The following SYNJ2 variants were observed in gnomAD, a reference collection of about 807,000 sequenced individuals.
SYNJ2 encodes polyphosphatidylinositol phosphatase SYNJ2.
In SYNJ2, 116 loss-of-function variants were observed where a neutral mutation model predicts 141.3. The ratio of observed to expected loss-of-function variants is 0.82; its 90% confidence interval spans 0.71 to 0.96. The LOEUF is 0.96. Among genes scored for constraint, SYNJ2 ranks in the 40% least tolerant of loss-of-function variants. The probability of loss-of-function intolerance (pLI) is 0.00; values close to 1 mark genes in which losing one functional copy is unlikely to be tolerated. For missense variants in SYNJ2, 1,873 were observed against 1,934.8 expected (o/e 0.97, Z 0.60); for synonymous variants, 745 against 777.7 (o/e 0.96, Z 0.70).
rs573931296 is a variant in SYNJ2, at chr6:158,086,701, C to T, written c.3209-154C>T. Among the ~76,000 whole-genome samples the T allele has an allele frequency of 4.0e-5, 6 of 150,784 alleles. No individual in the cohort carries two copies. In the Middle Eastern group the frequency reaches 0.01, roughly 256 times the overall value. ...GGGTGCCCTCCCCGCCCCCGCCCCT[C>T]GCCGGCAGACAGAGGTGCCCGTTTC... On this transcript the variant is annotated intron_variant, in intron 22 of 26. Transcript: ENST00000355585.
At chr6:158,044,479 T>A (rs1008369938) in intron 5 of SYNJ2, among the ~76,000 whole-genome samples, 11 of 152,254 alleles carry the variant, frequency 7.2e-5, no homozygotes, top group Middle Eastern at 3.4e-3. Context: ...TAACATTCAG[T>A]CTTTCCACTA....
chr6:157,991,463 G>A (rs919311201), intron 1 of SYNJ2, among the ~76,000 whole-genome samples: 12 of 152,162 alleles, frequency 7.9e-5, no homozygotes, highest in Non-Finnish European at 1.6e-4. Flanking sequence ...ATCAGCTTGG[G>A]AGGGAGGAGA....
In SYNJ2 at chr6:157,993,690, T is replaced by A. The variant is rs937432614; in HGVS notation, c.127+11602T>A. Among the ~76,000 whole-genome samples, 20 of 138,166 alleles carry A rather than the reference T, an allele frequency of 1.4e-4. 1 individual carries two copies. Among genetic ancestry groups the A allele is most frequent in the African/African-American group, 5.1e-4 (19 of 37,580 alleles). The allele number at this position is 138,166 out of a possible 152,430, so 90.6% of individuals were successfully genotyped here. On this transcript the variant is annotated intron_variant, in intron 1 of 26. Transcript: ENST00000355585. ...GAGGGCCATGGCATTCTTAAAAACA[T>A]AACTTTCATTCTTGCATAGCTTTTT... is the stretch of plus-strand genomic sequence containing the variant.
At chr6:158,037,876 T>C (rs1658234454) in intron 4 of SYNJ2, among the ~76,000 whole-genome samples, 1 of 152,264 alleles carries the variant, frequency 6.6e-6, no homozygotes, top group African/African-American at 2.4e-5. Context: ...CCTGTGGCCC[T>C]GTGAGAACTC....
In SYNJ2 at chr6:158,095,654, G is replaced by A; in HGVS notation, c.3781G>A (p.Val1261Ile). ...SPEEQFEQQT[V>I]HFTIGPPETS... is the part of the protein sequence containing the mutation. ...GGAAGAACAGTTTGAGCAACAGACT[G>A]TCCATTTTACAATCGGGCCCCCGGA... Residue 1261 changes from valine to isoleucine, a missense_variant, in exon 27 of 27, where the codon GTC becomes ATC. Coordinates refer to ENST00000355585, the MANE Select transcript of SYNJ2 (RefSeq NM_003898.4). 2 of 1,612,136 alleles carry A rather than the reference G, an allele frequency of 1.2e-6. No homozygotes were observed. The highest frequency in any genetic ancestry group is 1.3e-5 in the African/African-American group (1 of 74,906).
At chr6:158,042,694 C>A (rs1347247712) in intron 4 of SYNJ2, among the ~76,000 whole-genome samples, 1 of 152,216 alleles carries the variant, frequency 6.6e-6, no homozygotes, top group Non-Finnish European at 1.5e-5. Context: ...ATTTGTTTCT[C>A]TGCAGGTGCT....
intron 11 of SYNJ2, among the ~76,000 whole-genome samples, chr6:158,065,239 C>T (rs941742890): frequency 6.6e-6 from 1 of 152,200 alleles, no homozygotes; most frequent in African/African-American, 2.4e-5. Context: ...AGACACCAGG[C>T]GGGCTCAGGG....
intron 3 of SYNJ2, among the ~76,000 whole-genome samples, chr6:158,031,314 C>A (rs1779348922): frequency 6.6e-6 from 1 of 152,202 alleles, no homozygotes; most frequent in South Asian, 2.1e-4. Flanking sequence ...TGCACCAGCA[C>A]CTTTGCAAGT....
In SYNJ2 at chr6:158,078,604, C is replaced by G. The variant is rs1782473479; in HGVS notation, c.2567+323C>G. The G allele has an allele frequency of 2.3e-5, 5 of 213,402 alleles. No individual in the cohort carries two copies. In the South Asian group the frequency reaches 4.0e-4, roughly 17 times the overall value. 13.2% of individuals were successfully genotyped at this position (213,402 alleles called of 1,614,324 possible). A position where few individuals can be genotyped will look rare whatever the true frequency, so the allele number is the denominator to read the frequency against. On this transcript the variant is annotated intron_variant, in intron 18 of 26. Coordinates refer to ENST00000355585, the MANE Select transcript of SYNJ2 (RefSeq NM_003898.4). ...CGTTGTGCAACTTGCTTTTTTGTTACTATTTTTGAGATACAGTCGTGTTGA... is the reference window on the plus strand; with the variant it reads ...CGTTGTGCAACTTGCTTTTTTGTTAGTATTTTTGAGATACAGTCGTGTTGA...
Position 158,009,478 on chromosome 6 carries a change from T to G in SYNJ2, c.128-7726T>G, listed in dbSNP as rs1043922238. Reference sequence around the variant, plus strand: ...GTGCCAGCCACAGAAGGCACGAAGATGTGTCCACAGAGCCGGCGGCTAAAA... The same window carrying G: ...GTGCCAGCCACAGAAGGCACGAAGAGGTGTCCACAGAGCCGGCGGCTAAAA... On this transcript the variant is annotated intron_variant, in intron 1 of 26. Transcript: ENST00000355585. 5.3e-5 allele frequency among the ~76,000 whole-genome samples: 8 copies of G among 152,322 alleles called. No individual in the cohort carries two copies. The East Asian group carries it at 1.3e-3, about 26-fold the overall frequency.
chr6:158,017,914 C>G (rs991387785), intron 2 of SYNJ2: 3 of 402,158 alleles, frequency 7.5e-6, no homozygotes, highest in African/African-American at 2.1e-5. Context: ...CTAAGTGTTT[C>G]GAAAGTCTGG....
intron 16 of SYNJ2, among the ~76,000 whole-genome samples, 185 bp downstream of exon 16, chr6:158,074,923 C>CTTTTTTTTTTTTTTTTTTTTT (rs66487650): frequency 6.9e-6 from 1 of 144,270 alleles, no homozygotes. Flanking sequence ...ACTTCCTGTC[C>CTTTTTTTTTTTTTTTTTTTTT]TTTTTTTTTT....
chr6:158,012,656 G>A (rs1170749990), intron 1 of SYNJ2, among the ~76,000 whole-genome samples: 1 of 152,212 alleles, frequency 6.6e-6, no homozygotes, highest in African/African-American at 2.4e-5. Flanking sequence ...TGCTGCTTAA[G>A]CCACTGTGTT....
intron 1 of SYNJ2, among the ~76,000 whole-genome samples, chr6:158,000,188 C>T (rs775673072): frequency 1.3e-4 from 19 of 145,616 alleles, no homozygotes; most frequent in Admixed American, 5.8e-4. Flanking sequence ...CGGTAACTAG[C>T]GTCACTTGAG....
intron 6 of SYNJ2, among the ~76,000 whole-genome samples, chr6:158,055,546 C>A (rs968335612): frequency 1.4e-5 from 2 of 146,990 alleles, no homozygotes; most frequent in African/African-American, 5.3e-5. Flanking sequence ...TATTTAAATA[C>A]ACAAATTGGA....
Position 158,033,508 on chromosome 6 carries a change from G to T in SYNJ2, c.539G>T (p.Trp180Leu). 2 of 1,614,236 alleles carry T rather than the reference G, an allele frequency of 1.2e-6. No homozygotes were observed. The highest frequency in any genetic ancestry group is 1.1e-5 in the South Asian group (1 of 91,090). ...CAGCACCAGGTGAGCTGCTGTGACT[G>T]GCTGCTGAAGATCATCTGCGGGGTG... is the stretch of plus-strand genomic sequence containing the variant. ...LRQHQVSCCD[W>L]LLKIICGVVT... Residue 180 changes from tryptophan to leucine, a missense_variant, in exon 4 of 27, where the codon TGG (tryptophan) becomes TTG (leucine). Coordinates refer to ENST00000355585, the MANE Select transcript of SYNJ2 (RefSeq NM_003898.4).
At position 158,043,487 on chromosome 6, in the gene SYNJ2, C is replaced by T. The variant is rs558304401; in HGVS notation, c.795+88C>T. 37 of 959,146 alleles carry T rather than the reference C, an allele frequency of 3.9e-5. No homozygotes were observed. In the Admixed American group the frequency reaches 6.1e-4, roughly 16 times the overall value. 59.4% of individuals were successfully genotyped at this position (959,146 alleles called of 1,614,324 possible). A position where few individuals can be genotyped will look rare whatever the true frequency, so the allele number is the denominator to read the frequency against. ...TAGCTGGGGAAGATTTCTTTTAACA[C>T]GTTCGTTTCATGGCATAGTTTCCAG... On this transcript the variant is annotated intron_variant, in intron 5 of 26. Transcript: ENST00000355585. This position sits in a 1 kb window ranked among gnomAD's most constrained non-coding sequence, Gnocchi z 4.0.
At chr6:158,007,030 A>G (rs1778099182) in intron 1 of SYNJ2, among the ~76,000 whole-genome samples, 1 of 151,976 alleles carries the variant, frequency 6.6e-6, no homozygotes, top group Non-Finnish European at 1.5e-5. Flanking sequence ...CAGTGGCGCA[A>G]TCATGGCTAA....
Position 158,043,462 on chromosome 6 carries a change from T to C in SYNJ2, c.795+63T>C, listed in dbSNP as rs1413472723. On this transcript the variant is annotated intron_variant, in intron 5 of 26. Transcript: ENST00000355585. The surrounding 1 kb of genome is among the most constrained non-coding windows in gnomAD (Gnocchi z 4.0). ...TTGTCCGCCCTGCCCTTCCCTTCAATAGCTGGGGAAGATTTCTTTTAACAC... is the reference window on the plus strand; with the variant it reads ...TTGTCCGCCCTGCCCTTCCCTTCAACAGCTGGGGAAGATTTCTTTTAACAC... 1.7e-6 allele frequency: 2 copies of C among 1,190,964 alleles called. No individual in the cohort carries two copies. The highest frequency in any genetic ancestry group is 1.9e-5 in the Admixed American group (1 of 52,540). The allele number at this position is 1,190,964 out of a possible 1,614,324, so 73.8% of individuals were successfully genotyped here.
Sources: gnomAD v4.1 joint callset for allele counts (sites outside exome capture counted in the v4.1 genomes callset) on GRCh38, gnomAD v4.1.1 for gene constraint, Gnocchi (gnomAD v3.1) non-coding constraint, MANE v1.5 for transcripts, NCBI Gene and HGNC (gene_info 2026-07-23, HGNC 2026-07-21) for gene names.